CPED1: variants seen among roughly 807,000 people sequenced by gnomAD.
CPED1 encodes cadherin like and PC-esterase domain containing 1.
Under a neutral mutation model 128.2 loss-of-function variants are expected in CPED1, and 114 were observed. That is an observed-to-expected ratio of 0.89 (90% confidence interval 0.76 to 1.04). The LOEUF is 1.04. Ranked by LOEUF, CPED1 falls within the 50% of genes least tolerant of loss-of-function variation. The pLI, the probability that CPED1 is intolerant of heterozygous loss-of-function variation, is 0.00. For missense variants in CPED1, 1,211 were observed against 1,207.1 expected, an observed-to-expected ratio of 1.00 and a Z score of -0.05; for synonymous variants, 462 against 426.7, an observed-to-expected ratio of 1.08 and a Z score of -1.02.
At chr7:121,161,519 C>A (rs1334829482) in intron 16 of CPED1, among the ~76,000 whole-genome samples, 1 of 152,146 alleles carries the variant, frequency 6.6e-6, no homozygotes, top group Non-Finnish European at 1.5e-5. Context: ...AATTTAAGGT[C>A]AACTGATTTG....
chr7:121,285,053 C>T (rs1416021995), intron 22 of CPED1, among the ~76,000 whole-genome samples: 1 of 152,192 alleles, frequency 6.6e-6, no homozygotes, highest in Non-Finnish European at 1.5e-5. Flanking sequence ...TCCATACATC[C>T]TCTGAAATCT....
At chr7:121,076,961 C>G (rs1031949716) in intron 5 of CPED1, among the ~76,000 whole-genome samples, 2 of 151,846 alleles carry the variant, frequency 1.3e-5, no homozygotes, top group African/African-American at 4.8e-5. Context: ...CCCATATAAC[C>G]AAGAAAGAAA....
At chr7:121,260,331 A>G (rs1357556872) in intron 18 of CPED1, among the ~76,000 whole-genome samples, 2 of 144,466 alleles carry the variant, frequency 1.4e-5, no homozygotes, top group Non-Finnish European at 3.0e-5. Flanking sequence ...TTGGCTGCTC[A>G]TCTACATCCA....
chr7:121,206,435 A>T (rs1797516695), intron 16 of CPED1, among the ~76,000 whole-genome samples: 1 of 133,304 alleles, frequency 7.5e-6, no homozygotes, highest in Admixed American at 7.2e-5. Flanking sequence ...TTAACTTTTA[A>T]AGCACATTTC....
At chr7:121,141,845 G>T in intron 15 of CPED1, 128 bp from the exon 16 acceptor site, 1 of 633,000 alleles carries the variant, frequency 1.6e-6, no homozygotes. Context: ...GGTTTCTTAT[G>T]AAATTGTACA....
chr7:121,147,104 T>TG (rs1796040890), intron 16 of CPED1, among the ~76,000 whole-genome samples: 1 of 152,172 alleles, frequency 6.6e-6, no homozygotes, highest in South Asian at 2.1e-4. Context: ...TGAGAACCAC[T>TG]GGTTTAGACA....
chr7:121,057,097 C>T (rs1248258918), intron 4 of CPED1, among the ~76,000 whole-genome samples: 1 of 152,044 alleles, frequency 6.6e-6, no homozygotes, highest in African/African-American at 2.4e-5. Context: ...CCTGCCTCAG[C>T]CTCCTGAGAA....
intron 3 of CPED1, among the ~76,000 whole-genome samples, chr7:121,041,883 GAGA>G (rs1793063549): frequency 6.6e-6 from 1 of 152,108 alleles, no homozygotes; most frequent in South Asian, 2.1e-4. Context: ...AAAATTGTCT[GAGA>G]AGTTTTCATC....
Position 121,296,023 on chromosome 7 carries a change from A to G in CPED1, c.*371A>G, listed in dbSNP as rs1280222297. 1 of 175,504 alleles carries G rather than the reference A, an allele frequency of 5.7e-6. No homozygotes were observed. Among genetic ancestry groups the G allele is most frequent in the East Asian group, 1.6e-4 (1 of 6,234 alleles). 10.9% of individuals were successfully genotyped at this position (175,504 alleles called of 1,614,324 possible). Reference sequence around the variant, plus strand: ...GGATAATGCTCTTTCATGTTGTCTTACCATATCTATAGGTACATCAATATT... The same window carrying G: ...GGATAATGCTCTTTCATGTTGTCTTGCCATATCTATAGGTACATCAATATT... On this transcript the variant is annotated 3_prime_UTR_variant, in exon 23 of 23. Coordinates refer to ENST00000310396, the MANE Select transcript of CPED1 (RefSeq NM_024913.5).
chr7:121,120,992 A>C (rs867972931), intron 7 of CPED1, among the ~76,000 whole-genome samples: 1 of 150,072 alleles, frequency 6.7e-6, no homozygotes, highest in African/African-American at 2.5e-5. Flanking sequence ...AAAAAACAAA[A>C]AAACTCACAG....
chr7:121,090,946 T>C (rs1477595389), intron 5 of CPED1, among the ~76,000 whole-genome samples: 2 of 151,524 alleles, frequency 1.3e-5, no homozygotes, highest in African/African-American at 4.9e-5. Context: ...TGAGACTCTA[T>C]CTAAAAAAAT....
chr7:121,005,619 G>A (rs1262029037), intron 2 of CPED1, among the ~76,000 whole-genome samples: 1 of 151,910 alleles, frequency 6.6e-6, no homozygotes, highest in African/African-American at 2.4e-5. Flanking sequence ...TGCACGTTCT[G>A]CACATGTATC....
chr7:121,139,930 A>G (rs1269146477), intron 14 of CPED1, among the ~76,000 whole-genome samples: 3 of 152,028 alleles, frequency 2.0e-5, no homozygotes, highest in African/African-American at 7.2e-5. Context: ...TTGTATGTTT[A>G]TCTTTGTTAG....
chr7:121,200,570 C>T (rs1797373812), intron 16 of CPED1, among the ~76,000 whole-genome samples: 1 of 152,116 alleles, frequency 6.6e-6, no homozygotes, highest in East Asian at 1.9e-4. Context: ...TCAGTTAATT[C>T]TTCTCAAGTG....
At chr7:121,050,962 T>C (rs61754957) in intron 4 of CPED1, 9 of 505,740 alleles carry the variant, frequency 1.8e-5, no homozygotes, top group African/African-American at 1.4e-4. Flanking sequence ...CAAGAGGAGA[T>C]TGGCGCAGTT....
At chr7:121,051,163 C>A in intron 4 of CPED1, 1 of 527,230 alleles carries the variant, frequency 1.9e-6, no homozygotes, top group East Asian at 5.3e-5. Flanking sequence ...TGAGGAGAGT[C>A]CAGCCTCTGA....
At chr7:120,999,992 C>G (rs1389872316) in intron 2 of CPED1, among the ~76,000 whole-genome samples, 1 of 152,042 alleles carries the variant, frequency 6.6e-6, no homozygotes, top group East Asian at 1.9e-4. Flanking sequence ...GCTTCTTTCT[C>G]CCTCTAAGCA....
At position 121,293,301 on chromosome 7, in the gene CPED1, A is replaced by C. The variant is rs184530788; in HGVS notation, c.2869-2139A>C. 1.4e-3 allele frequency among the ~76,000 whole-genome samples: 206 copies of C among 152,260 alleles called. 1 individual carries two copies. Among genetic ancestry groups the C allele is most frequent in the Non-Finnish European group, 7.6e-4 (52 of 68,012 alleles). On this transcript the variant is annotated intron_variant, in intron 22 of 22. Transcript: ENST00000310396. ...CGAAATTCCCAGCGGTTTTGTTTAC[A>C]CTGTGAGGGGAAAACTGCCTACTCA...
chr7:121,252,538 A>G (rs1236918905), intron 18 of CPED1, among the ~76,000 whole-genome samples: 5 of 151,964 alleles, frequency 3.3e-5, no homozygotes, highest in African/African-American at 4.8e-5. Context: ...GCAACCTACA[A>G]AATGGGAGAA....
Sources: gnomAD v4.1 joint callset for allele counts (sites outside exome capture counted in the v4.1 genomes callset) on GRCh38, gnomAD v4.1.1 for gene constraint, MANE v1.5 for transcripts, NCBI Gene and HGNC (gene_info 2026-07-23, HGNC 2026-07-21) for gene names.